KCTD16: variants seen among roughly 807,000 people sequenced by gnomAD.
KCTD16 encodes BTB/POZ domain-containing protein KCTD16.
KCTD16 carries 13 observed loss-of-function variants against 33.2 expected under a neutral mutation model. That is an observed-to-expected ratio of 0.39 (90% CI 0.25 to 0.62). The LOEUF (loss-of-function observed/expected upper bound fraction) is 0.62. Ranked by LOEUF, KCTD16 falls within the 20% of genes least tolerant of loss-of-function variation. KCTD16 has a pLI of 0.50. For missense variants in KCTD16, 441 were observed against 525.1 expected, an observed-to-expected ratio of 0.84 and a Z score of 1.57; for synonymous variants, 197 against 195.3, an observed-to-expected ratio of 1.01 and a Z score of -0.07.
chr5:144,222,728 G>C (rs1453040034), intron 3 of KCTD16, among the ~76,000 whole-genome samples: 2 of 152,182 alleles, frequency 1.3e-5, no homozygotes, highest in Non-Finnish European at 2.9e-5. Context: ...GTGGAAGACA[G>C]CGTAGCGATT....
At chr5:144,424,414 T>C (rs1427445915) in intron 3 of KCTD16, among the ~76,000 whole-genome samples, 3 of 152,174 alleles carry the variant, frequency 2.0e-5, no homozygotes, top group East Asian at 1.9e-4. Context: ...TTCTGCATCA[T>C]AGAAAATCAG....
At chr5:144,379,150 G>A (rs757447933) in intron 3 of KCTD16, among the ~76,000 whole-genome samples, 9 of 152,126 alleles carry the variant, frequency 5.9e-5, no homozygotes, top group East Asian at 3.9e-4. Context: ...TGCCTTTTAC[G>A]ACTACCCATG....
At position 144,313,651 on chromosome 5, in the gene KCTD16, T is replaced by G. The variant is rs567691753; in HGVS notation, c.832+106105T>G. 1.1e-4 allele frequency among the ~76,000 whole-genome samples: 17 copies of G among 152,316 alleles called. No individual in the cohort carries two copies. The South Asian group carries it at 3.5e-3, about 32-fold the overall frequency. Reference sequence around the variant, plus strand: ...TTTTATAAACAGTACTACTCTCCTCTGCTTATAAACCATGGGGTGATGTTT... The same window carrying G: ...TTTTATAAACAGTACTACTCTCCTCGGCTTATAAACCATGGGGTGATGTTT... On this transcript the variant is annotated intron_variant, in intron 3 of 3. Transcript: ENST00000512467.
chr5:144,228,941 G>A (rs896667379), intron 3 of KCTD16, among the ~76,000 whole-genome samples: 6 of 152,318 alleles, frequency 3.9e-5, no homozygotes, highest in African/African-American at 4.8e-5. Context: ...AGTATTTGAA[G>A]TTTGAAGAGA....
intron 3 of KCTD16, among the ~76,000 whole-genome samples, chr5:144,340,579 A>G (rs1263743107): frequency 6.6e-6 from 1 of 151,956 alleles, no homozygotes; most frequent in African/African-American, 2.4e-5. Context: ...TGAAGTCTTA[A>G]CCCCTAATAT....
chr5:144,473,717 G>A lies in KCTD16; in HGVS notation c.890G>A (p.Gly297Asp), dbSNP rs748067897. 4.3e-6 allele frequency: 7 copies of A among 1,611,560 alleles called. No homozygotes were observed. The highest frequency in any genetic ancestry group is 3.4e-6 in the Non-Finnish European group (4 of 1,177,950). The change falls in exon 4 of 4, where the codon GGT (glycine) becomes GAT (aspartate). Residue 297 changes from glycine (G) to aspartate (D), a missense_variant. Transcript: ENST00000512467. ...HCDCCCKNGK[G>D]DKEGESGTSC... ...GATTGCTGCTGCAAGAATGGCAAAGGTGACAAAGAAGGGGAGAGCGGCACG... is the reference window on the plus strand; with the variant it reads ...GATTGCTGCTGCAAGAATGGCAAAGATGACAAAGAAGGGGAGAGCGGCACG...
chr5:144,188,640 C>T (rs1347906634), intron 2 of KCTD16, among the ~76,000 whole-genome samples: 2 of 152,070 alleles, frequency 1.3e-5, no homozygotes, highest in East Asian at 3.8e-4. Context: ...AGGCATCTAA[C>T]CAAAATAAAA....
intron 3 of KCTD16, among the ~76,000 whole-genome samples, chr5:144,292,340 T>C (rs1170316604): frequency 6.6e-6 from 1 of 152,138 alleles, no homozygotes; most frequent in African/African-American, 2.4e-5. Flanking sequence ...GTGAAGTCAT[T>C]TTTGTAGTGA....
At chr5:144,372,719 G>C (rs1751996377) in intron 3 of KCTD16, among the ~76,000 whole-genome samples, 1 of 152,160 alleles carries the variant, frequency 6.6e-6, no homozygotes, top group Non-Finnish European at 1.5e-5. Context: ...GGCAAGGTCT[G>C]TGTGATTATA....
intron 3 of KCTD16, among the ~76,000 whole-genome samples, chr5:144,252,232 G>A (rs1197958086): frequency 2.6e-5 from 4 of 152,132 alleles, no homozygotes; most frequent in African/African-American, 7.2e-5. Flanking sequence ...GCATATAACT[G>A]AAATTGTTTA....
chr5:144,284,595 A>G (rs890623591), intron 3 of KCTD16, among the ~76,000 whole-genome samples: 12 of 152,224 alleles, frequency 7.9e-5, no homozygotes, highest in East Asian at 3.8e-4. Context: ...ATTGAATGGC[A>G]TATACAAAAG....
intron 3 of KCTD16, among the ~76,000 whole-genome samples, chr5:144,294,475 T>A (rs1427060708): frequency 6.7e-6 from 1 of 149,782 alleles, no homozygotes; most frequent in Non-Finnish European, 1.5e-5. Context: ...TATGTAAGCA[T>A]TTTGTATATA....
At chr5:144,403,193 T>G (rs1275958511) in intron 3 of KCTD16, among the ~76,000 whole-genome samples, 1 of 152,244 alleles carries the variant, frequency 6.6e-6, no homozygotes, top group Non-Finnish European at 1.5e-5. Flanking sequence ...AAGTCCCTTT[T>G]AACCACATGT....
chr5:144,339,004 T>C (rs1436145317), intron 3 of KCTD16, among the ~76,000 whole-genome samples: 3 of 152,086 alleles, frequency 2.0e-5, no homozygotes. Context: ...ATCCATCCCC[T>C]GGAACGTGAG....
intron 3 of KCTD16, among the ~76,000 whole-genome samples, chr5:144,342,017 G>A (rs1479076160): frequency 6.6e-6 from 1 of 152,078 alleles, no homozygotes; most frequent in Non-Finnish European, 1.5e-5. Context: ...CTGAAATATG[G>A]GACTGTTTTA....
chr5:144,448,368 A>G (rs533662623), intron 3 of KCTD16, among the ~76,000 whole-genome samples: 15 of 152,152 alleles, frequency 9.9e-5, no homozygotes, highest in African/African-American at 3.4e-4. Context: ...GTCTAAGCCA[A>G]TTTCTACTTG....
At chr5:144,310,926 C>T (rs891433343) in intron 3 of KCTD16, among the ~76,000 whole-genome samples, 2 of 152,220 alleles carry the variant, frequency 1.3e-5, no homozygotes, top group African/African-American at 4.8e-5. Flanking sequence ...ATACATTATC[C>T]GCAGTGCTAA....
At chr5:144,211,727 T>C (rs570156267) in intron 3 of KCTD16, among the ~76,000 whole-genome samples, 2 of 152,276 alleles carry the variant, frequency 1.3e-5, no homozygotes, top group South Asian at 2.1e-4. Flanking sequence ...TTTTATTACC[T>C]ATAGAGATAT....
intron 3 of KCTD16, among the ~76,000 whole-genome samples, chr5:144,286,201 A>T (rs1318508293): frequency 1.3e-5 from 2 of 152,092 alleles, no homozygotes; most frequent in Non-Finnish European, 2.9e-5. Flanking sequence ...TCTCATAGAC[A>T]TTACAAGTGT....
Sources: allele counts gnomAD v4.1 joint callset (sites outside exome capture counted in the v4.1 genomes callset), GRCh38; gene constraint gnomAD v4.1.1; transcripts MANE v1.5; gene names NCBI Gene and HGNC (gene_info 2026-07-23, HGNC 2026-07-21).